The following SNTG1 variants were observed in gnomAD, a reference collection of about 807,000 sequenced individuals.
SNTG1 encodes the protein gamma-1-syntrophin.
In SNTG1, 39 loss-of-function variants were observed where a neutral mutation model predicts 74.7. The ratio of observed to expected loss-of-function variants is 0.52; its 90% confidence interval spans 0.40 to 0.68. The LOEUF is 0.68. SNTG1 is among the 30% of genes least tolerant of loss of function. The pLI, the probability that SNTG1 is intolerant of heterozygous loss-of-function variation, is 0.00. For missense variants in SNTG1, 685 were observed against 609.5 expected (o/e 1.12, Z -1.30); for synonymous variants, 254 against 217.1 (o/e 1.17, Z -1.49).
intron 3 of SNTG1, among the ~76,000 whole-genome samples, chr8:50,397,267 A>G (rs976912323): frequency 1.3e-5 from 2 of 152,216 alleles, no homozygotes; most frequent in African/African-American, 2.4e-5. Context: ...GAGACAAATG[A>G]TGTTACATTA....
chr8:50,552,992 AGCT>A (rs2094435840), intron 11 of SNTG1, 55 bp from the exon 12 acceptor site: 1 of 1,596,942 alleles, frequency 6.3e-7, no homozygotes, highest in African/African-American at 1.3e-5. Flanking sequence ...TACTATTACG[AGCT>A]GCAAATAGAT....
chr8:50,225,545 T>A (rs2085288072), intron 2 of SNTG1, among the ~76,000 whole-genome samples: 1 of 152,176 alleles, frequency 6.6e-6, no homozygotes, highest in African/African-American at 2.4e-5. Context: ...TTTGTCTCCC[T>A]AAAATGTATA....
intron 2 of SNTG1, among the ~76,000 whole-genome samples, chr8:50,216,538 C>T (rs2084800025): frequency 1.3e-5 from 2 of 152,088 alleles, no homozygotes; most frequent in Admixed American, 6.6e-5. Flanking sequence ...TGCTTCGAAT[C>T]TATCACATCC....
intron 2 of SNTG1, among the ~76,000 whole-genome samples, chr8:50,364,167 G>A (rs1009009458): frequency 1.4e-4 from 22 of 152,122 alleles, no homozygotes; most frequent in African/African-American, 5.3e-4. Context: ...CTAGAGGTTG[G>A]GGAATTGGGG....
At chr8:50,438,019 T>C (rs747670511) in intron 4 of SNTG1, among the ~76,000 whole-genome samples, 19 of 152,206 alleles carry the variant, frequency 1.2e-4, no homozygotes, top group Non-Finnish European at 2.2e-4. Flanking sequence ...AAGCAATTAG[T>C]TTATTTTGGA....
chr8:50,200,445 G>T (rs550041890), intron 2 of SNTG1, among the ~76,000 whole-genome samples: 6 of 152,204 alleles, frequency 3.9e-5, no homozygotes, highest in Non-Finnish European at 8.8e-5. Flanking sequence ...ATTAATACTC[G>T]AAACTCAATC....
intron 3 of SNTG1, among the ~76,000 whole-genome samples, chr8:50,400,051 C>A (rs529608492): frequency 7.2e-5 from 11 of 152,180 alleles, no homozygotes; most frequent in Non-Finnish European, 1.5e-4. Context: ...CACACGAGAA[C>A]AAAAGCAGTT....
In SNTG1 at chr8:50,083,474, CT is replaced by C. The variant is rs561950556; in HGVS notation, c.-102-89083del. On this transcript the variant is annotated intron_variant, in intron 1 of 18. Transcript: ENST00000642720. Reference sequence around the variant, plus strand: ...CAAATGCAGAAAATATAAGCAAAGCCTTTTAATTAAAGAAAGGGCTTCTAGT... The same window carrying C: ...CAAATGCAGAAAATATAAGCAAAGCCTTTAATTAAAGAAAGGGCTTCTAGT... Among the ~76,000 whole-genome samples, 47 of 152,222 alleles carry C rather than the reference CT, an allele frequency of 3.1e-4. No homozygotes were observed. The East Asian group carries it at 8.7e-3, about 28-fold the overall frequency.
chr8:50,704,263 G>T (rs578180155), intron 15 of SNTG1, among the ~76,000 whole-genome samples: 1 of 152,150 alleles, frequency 6.6e-6, no homozygotes, highest in Non-Finnish European at 1.5e-5. Flanking sequence ...CATCATAACA[G>T]TTATGTAAGG....
At chr8:50,572,600 C>T (rs2094555484) in intron 12 of SNTG1, among the ~76,000 whole-genome samples, 1 of 152,064 alleles carries the variant, frequency 6.6e-6, no homozygotes, top group African/African-American at 2.4e-5. Flanking sequence ...TATACATAGT[C>T]ATGAGAAATA....
intron 2 of SNTG1, among the ~76,000 whole-genome samples, chr8:50,267,110 A>G (rs1009928972): frequency 6.6e-6 from 1 of 152,194 alleles, no homozygotes; most frequent in African/African-American, 2.4e-5. Flanking sequence ...CAAATAGTAT[A>G]CAGTGTAATG....
intron 2 of SNTG1, among the ~76,000 whole-genome samples, chr8:50,274,662 C>T (rs1057322228): frequency 6.6e-6 from 1 of 152,060 alleles, no homozygotes; most frequent in Admixed American, 6.6e-5. Context: ...CTCTCTGACT[C>T]GTGAAGTATG....
At chr8:50,417,005 G>C (rs2093023111) in intron 4 of SNTG1, among the ~76,000 whole-genome samples, 1 of 152,106 alleles carries the variant, frequency 6.6e-6, no homozygotes, top group African/African-American at 2.4e-5. Flanking sequence ...CTATAGTATA[G>C]GAGGACTTAT....
intron 17 of SNTG1, among the ~76,000 whole-genome samples, chr8:50,712,881 A>AT (rs1262612143): frequency 6.6e-6 from 1 of 151,990 alleles, no homozygotes; most frequent in Admixed American, 6.6e-5. Context: ...TATGTGCCAC[A>AT]TTTTCTTGAT....
intron 1 of SNTG1, among the ~76,000 whole-genome samples, chr8:50,006,152 G>T (rs13273334): frequency 2.0e-5 from 3 of 151,386 alleles, no homozygotes; most frequent in East Asian, 2.0e-4. Context: ...CAGTAATGAC[G>T]GGGTTTCATC....
intron 1 of SNTG1, among the ~76,000 whole-genome samples, chr8:50,026,612 C>G (rs766094443): frequency 6.6e-6 from 1 of 152,082 alleles, no homozygotes; most frequent in Non-Finnish European, 1.5e-5. Flanking sequence ...ACCAACCATA[C>G]ATTTAAAAAT....
At chr8:50,309,914 A>G (rs187547712) in intron 2 of SNTG1, among the ~76,000 whole-genome samples, 17 of 152,384 alleles carry the variant, frequency 1.1e-4, no homozygotes, top group South Asian at 4.1e-4. Flanking sequence ...GACTGAGACA[A>G]TTAACTGGAA....
In SNTG1 at chr8:50,704,635, C is replaced by A; in HGVS notation, c.1074C>A (p.Phe358Leu). 1.2e-6 allele frequency: 2 copies of A among 1,614,138 alleles called. No individual in the cohort carries two copies. Among genetic ancestry groups the A allele is most frequent in the Non-Finnish European group, 1.7e-6 (2 of 1,180,024 alleles). Residue 358 changes from phenylalanine to leucine, a missense_variant, in exon 16 of 19, where the codon TTC becomes TTA. Coordinates refer to ENST00000642720, the MANE Select transcript of SNTG1 (RefSeq NM_018967.5). ...SDLLDRRKQCFTVQSESGEDL... is the reference protein window; with the variant it reads ...SDLLDRRKQCLTVQSESGEDL... ...TGCTGGACCGACGGAAACAGTGCTT[C>A]ACCGTGCAGTCTGAGTCTGGGGAGG...
At chr8:50,010,287 C>G (rs1815651423) in intron 1 of SNTG1, among the ~76,000 whole-genome samples, 2 of 152,206 alleles carry the variant, frequency 1.3e-5, no homozygotes, top group African/African-American at 2.4e-5. Context: ...CTCACAAACT[C>G]CAATGAGACC....
Sources: gnomAD v4.1 joint callset for allele counts (sites outside exome capture counted in the v4.1 genomes callset) on GRCh38, gnomAD v4.1.1 for gene constraint, MANE v1.5 for transcripts, NCBI Gene and HGNC (gene_info 2026-07-23, HGNC 2026-07-21) for gene names.